The following BRF1 variants were observed in gnomAD, a reference collection of about 807,000 sequenced individuals.
The protein encoded by BRF1 is BRF1 general transcription factor IIIB subunit.
BRF1 carries 59 observed loss-of-function variants against 81.7 expected under a neutral mutation model. The ratio of observed to expected loss-of-function variants is 0.72; its 90% confidence interval spans 0.59 to 0.90. The LOEUF (loss-of-function observed/expected upper bound fraction) is 0.90, where lower values mean the gene tolerates loss of function less well. BRF1 is among the 40% of genes least tolerant of loss of function. The pLI, the probability that BRF1 is intolerant of heterozygous loss-of-function variation, is 0.00. For synonymous variants in BRF1, 491 were observed against 395.6 expected (o/e 1.24, Z -2.86); for missense variants, 1,050 against 936.3 (o/e 1.12, Z -1.58).
intron 5 of BRF1, chr14:105,250,004 G>A: frequency 6.2e-7 from 1 of 1,612,836 alleles, no homozygotes; most frequent in Non-Finnish European, 8.5e-7. Flanking sequence ...CAAGAGGCAG[G>A]GGCTGCCAAT....
rs753610440 is a variant in BRF1 at position 105,211,168 on chromosome 14, C to T, written c.1950G>A (p.Glu650=). ...GGGCACTGACGCAGGGCTCCCCGTC[C>T]TCCTCGTCAGGCTCCTCCTCGTCAG... ...EEADEEEPDE[E]DGEPCVSALQ... is the part of the protein sequence containing the mutation. The change falls in exon 17 of 18, where the codon GAG becomes GAA. Residue 650 remains glutamate (E), a synonymous_variant. Coordinates refer to ENST00000547530, the MANE Select transcript of BRF1 (RefSeq NM_001519.4). The T allele has an allele frequency of 1.9e-6, 3 of 1,612,484 alleles. No homozygotes were observed. The highest frequency in any genetic ancestry group is 1.7e-6 in the Non-Finnish European group (2 of 1,179,900).
intron 15 of BRF1, among the ~76,000 whole-genome samples, chr14:105,217,049 T>C (rs75478023): frequency 0.055 from 8,336 of 152,276 alleles, 365 homozygotes; most frequent in Non-Finnish European, 0.083. Flanking sequence ...CTGCAGAGCC[T>C]CGTGACCCTG....
At chr14:105,228,100 C>G (rs1209654101) in intron 7 of BRF1, 2 of 152,172 alleles carry the variant, frequency 1.3e-5, no homozygotes, top group Non-Finnish European at 2.9e-5. Context: ...ATGCGGGGAC[C>G]TCTTATGGCA....
At chr14:105,274,778 C>T (rs1029573277) in intron 2 of BRF1, among the ~76,000 whole-genome samples, 1 of 152,228 alleles carries the variant, frequency 6.6e-6, no homozygotes, top group Admixed American at 6.5e-5. Flanking sequence ...CCACTTCTGT[C>T]TGCAGAGCAC....
At chr14:105,226,216 A>C in intron 9 of BRF1, 35 bp downstream of exon 9, 1 of 1,614,052 alleles carries the variant, frequency 6.2e-7, no homozygotes, top group Middle Eastern at 1.7e-4. Flanking sequence ...TTCCCAACAA[A>C]ACAGAAGCAT....
chr14:105,292,656 G>A (rs2057565224), intron 1 of BRF1, among the ~76,000 whole-genome samples: 1 of 152,184 alleles, frequency 6.6e-6, no homozygotes, highest in South Asian at 2.1e-4. Flanking sequence ...CTGGGGACGG[G>A]GACCCGGGAA....
chr14:105,314,663 G>GGTCGGAGGGCGCCGGGCGCGC (rs2058474901), intron 1 of BRF1: 2 of 143,850 alleles, frequency 1.4e-5, no homozygotes, highest in Non-Finnish European at 3.1e-5. Flanking sequence ...CGCCGGCGCG[G>GGTCGGAGGGCGCCGGGCGCGC]GTCGGAGGGC....
At chr14:105,216,727 C>G (rs1302528366) in intron 15 of BRF1, among the ~76,000 whole-genome samples, 1 of 152,240 alleles carries the variant, frequency 6.6e-6, no homozygotes, top group African/African-American at 2.4e-5. Context: ...TGCCGAGAGT[C>G]AGCACTGCCC....
rs977041643 is a variant in BRF1, at chr14:105,300,707, C to CCCGCCCAGGCCCAG, written c.-92_-79dup. On this transcript the variant is annotated 5_prime_UTR_variant, in exon 1 of 18. Coordinates refer to ENST00000547530, the MANE Select transcript of BRF1 (RefSeq NM_001519.4). ...CGAGCCTCCGGAGCAGCCCGCGCCG[C>CCCGCCCAGGCCCAG]CCGCCCAGGCCCAGCCGCCCAGGCC... 1.8e-5 allele frequency: 20 copies of CCCGCCCAGGCCCAG among 1,127,284 alleles called. 1 individual carries two copies. The highest frequency in any genetic ancestry group is 2.1e-5 in the Non-Finnish European group (19 of 896,926). The allele number at this position is 1,127,284 out of a possible 1,614,324, so 69.8% of individuals were successfully genotyped here.
intron 3 of BRF1, among the ~76,000 whole-genome samples, chr14:105,263,874 G>C (rs587755953): frequency 6.6e-6 from 1 of 151,202 alleles, no homozygotes; most frequent in Non-Finnish European, 1.5e-5. Flanking sequence ...GCAGTGAGCA[G>C]AGATGGTGCC....
intron 15 of BRF1, among the ~76,000 whole-genome samples, chr14:105,216,644 C>G (rs2141418321): frequency 6.6e-6 from 1 of 152,306 alleles, no homozygotes; most frequent in East Asian, 1.9e-4. Context: ...GGTGCAGTGG[C>G]CAGCCTAGCA....
rs587703602 is a variant in BRF1, at chr14:105,269,971, C to T, written c.439+2750G>A. ...TGGTCTGCTTCTAAGAGAGCAGGAT[C>T]GGAGCAGGCCTCTCAGTGGGACCCC... is the stretch of plus-strand genomic sequence containing the variant. On this transcript the variant is annotated intron_variant, in intron 3 of 17. Transcript: ENST00000547530. This position sits in a 1 kb window ranked among gnomAD's most constrained non-coding sequence, Gnocchi z 5.0. Among the ~76,000 whole-genome samples, 5 of 152,178 alleles carry T rather than the reference C, an allele frequency of 3.3e-5. No individual in the cohort carries two copies. Among genetic ancestry groups the T allele is most frequent in the African/African-American group, 1.2e-4 (5 of 41,544 alleles).
chr14:105,260,509 C>A (rs971585742), intron 3 of BRF1, among the ~76,000 whole-genome samples: 2 of 151,988 alleles, frequency 1.3e-5, no homozygotes, highest in African/African-American at 4.8e-5. Flanking sequence ...GTAGCTTGGA[C>A]TACAGGCATG....
chr14:105,273,047 T>C (rs2056727166), intron 2 of BRF1, among the ~76,000 whole-genome samples, 153 bp from the exon 3 acceptor site: 1 of 152,244 alleles, frequency 6.6e-6, no homozygotes, highest in Non-Finnish European at 1.5e-5. Flanking sequence ...CAATCACTTT[T>C]TATTTAAGGA....
rs751048406 is a variant in BRF1 at position 105,211,301 on chromosome 14, G to T, written c.1825-8C>A. The T allele has an allele frequency of 6.3e-7, 1 of 1,584,734 alleles. No homozygotes were observed. Among genetic ancestry groups the T allele is most frequent in the Non-Finnish European group, 8.6e-7 (1 of 1,165,046 alleles). On this transcript the variant is annotated splice_region_variant and splice_polypyrimidine_tract_variant and intron_variant, in intron 16 of 17. Coordinates refer to ENST00000547530, the MANE Select transcript of BRF1 (RefSeq NM_001519.4). ...AGAGCTTGGGAGCAAAGCCTGGAAC[G>T]AAGTGGGGCTCTGACACACACAGAG...
At chr14:105,241,752 C>A (rs950560706) in intron 5 of BRF1, 17 of 345,780 alleles carry the variant, frequency 4.9e-5, no homozygotes, top group African/African-American at 3.5e-4. Context: ...GCACCACACG[C>A]AACAACGGTC....
At chr14:105,217,385 C>T (rs886433275) in intron 15 of BRF1, 159 bp downstream of exon 15, 2 of 1,173,978 alleles carry the variant, frequency 1.7e-6, no homozygotes, top group East Asian at 2.5e-5. Context: ...GTCAAGGTGC[C>T]GGAGAAGGCC....
intron 3 of BRF1, among the ~76,000 whole-genome samples, chr14:105,265,794 G>A (rs1280211666): frequency 1.3e-5 from 2 of 152,000 alleles, no homozygotes; most frequent in Non-Finnish European, 1.5e-5. Context: ...CCAGCTACTC[G>A]GGAAGCTGAG....
At chr14:105,262,580 C>G (rs2056209252) in intron 3 of BRF1, among the ~76,000 whole-genome samples, 1 of 152,238 alleles carries the variant, frequency 6.6e-6, no homozygotes, top group African/African-American at 2.4e-5. Flanking sequence ...CTGTGAAGTT[C>G]AAGGGTACCC....
Sources: gnomAD v4.1 joint callset for allele counts (sites outside exome capture counted in the v4.1 genomes callset) on GRCh38, gnomAD v4.1.1 for gene constraint, Gnocchi (gnomAD v3.1) non-coding constraint, MANE v1.5 for transcripts, NCBI Gene and HGNC (gene_info 2026-07-23, HGNC 2026-07-21) for gene names.